MAN2C1: variants seen among roughly 807,000 people sequenced by gnomAD.
The protein encoded by MAN2C1 is mannosidase alpha class 2C member 1, also known as alpha-mannosidase 2C1.
A neutral mutation model predicts 126.9 loss-of-function variants in MAN2C1; 111 were observed. The observed-to-expected ratio is 0.87, with a 90% CI of 0.75 to 1.02. MAN2C1 has a LOEUF of 1.02. MAN2C1 is among the 50% of genes least tolerant of loss of function. The probability of loss-of-function intolerance (pLI) is 0.00; values close to 1 mark genes in which losing one functional copy is unlikely to be tolerated. For synonymous variants in MAN2C1, 567 were observed against 561.5 expected (o/e 1.01, Z -0.14); for missense variants, 1,363 against 1,364.4 (o/e 1.00, Z 0.02).
chr15:75,368,553 G>C lies in MAN2C1; in HGVS notation c.31C>G (p.Arg11Gly). 1 of 1,552,048 alleles carries C rather than the reference G, an allele frequency of 6.4e-7. No individual in the cohort carries two copies. Among genetic ancestry groups the C allele is most frequent in the Non-Finnish European group, 8.7e-7 (1 of 1,148,984 alleles). Reference protein sequence around the residue: MAAAPALKHWRTTLERVEKFV... With the variant: MAAAPALKHWGTTLERVEKFV... ...TTCTCCACCCGCTCCAGCGTGGTGC[G>C]CCAGTGCTTCAAGGCCGGCGCAGCC... The change falls in exon 1 of 26, where the codon CGC becomes GGC. Residue 11 changes from arginine (R) to glycine (G), a missense_variant. Arg to Gly is a moderately radical substitution (Grantham distance 125). This residue lies in a region of MAN2C1 where 628 missense variants were observed against 609.8 expected (regional missense o/e 1.03). Coordinates refer to ENST00000267978, the MANE Select transcript of MAN2C1 (RefSeq NM_006715.4).
intron 13 of MAN2C1, 80 bp downstream of exon 13, chr15:75,360,485 T>C: frequency 6.4e-7 from 1 of 1,570,920 alleles, no homozygotes; most frequent in Non-Finnish European, 8.6e-7. Flanking sequence ...TGGCCTGGGC[T>C]CTGTCCCCTG....
chr15:75,359,875 G>C (rs769766840), intron 15 of MAN2C1, 28 bp downstream of exon 15: 1 of 1,611,298 alleles, frequency 6.2e-7, no homozygotes, highest in East Asian at 2.2e-5. Flanking sequence ...GGGTTGGAGA[G>C]AGCAGGCAGG....
intron 21 of MAN2C1, chr15:75,357,995 T>G: frequency 1.7e-6 from 1 of 573,896 alleles, no homozygotes; most frequent in Admixed American, 2.9e-5. Flanking sequence ...CCTCAGGTGA[T>G]CCACCCACCT....
chr15:75,363,014 G>A (rs1174423643), intron 6 of MAN2C1: 1 of 470,680 alleles, frequency 2.1e-6, no homozygotes, highest in Non-Finnish European at 3.9e-6. Flanking sequence ...GTCCTCTTGG[G>A]GAATTAGACA....
Position 75,368,454 on chromosome 15 carries a change from G to A in MAN2C1, c.101+29C>T, listed in dbSNP as rs1037796842. ...AAGCTTGAGGCGCACGGTTGCGGTCGGCCGGCTGCGGGGGACCAGGGGCCA... is the reference window on the plus strand; with the variant it reads ...AAGCTTGAGGCGCACGGTTGCGGTCAGCCGGCTGCGGGGGACCAGGGGCCA... On this transcript the variant is annotated intron_variant, in intron 1 of 25. Transcript: ENST00000267978. 16 of 1,538,502 alleles carry A rather than the reference G, an allele frequency of 1.0e-5. No individual in the cohort carries two copies. In the African/African-American group the frequency reaches 2.2e-4, roughly 21 times the overall value.
chr15:75,360,999 G>A (rs772413117), intron 12 of MAN2C1, 47 bp downstream of exon 12: 1 of 1,574,242 alleles, frequency 6.4e-7, no homozygotes, highest in Non-Finnish European at 8.6e-7. Context: ...AGGGCTCATG[G>A]CAAGGGCCCA....
chr15:75,366,396 T>G, intron 4 of MAN2C1, 126 bp downstream of exon 4: 442 of 744,886 alleles, frequency 5.9e-4, no homozygotes, highest in Non-Finnish European at 8.0e-4. Flanking sequence ...AAGCAAACAA[T>G]GAGATGTGAG....
At position 75,362,528 on chromosome 15, in the gene MAN2C1, G is replaced by A; in HGVS notation, c.898-75C>T. 1 of 1,513,398 alleles carries A rather than the reference G, an allele frequency of 6.6e-7. No individual in the cohort carries two copies. Among genetic ancestry groups the A allele is most frequent in the South Asian group, 1.2e-5 (1 of 85,870 alleles). 93.7% of individuals were successfully genotyped at this position (1,513,398 alleles called of 1,614,324 possible). A position where few individuals can be genotyped will look rare whatever the true frequency, so the allele number is the denominator to read the frequency against. ...CAGGACTGAGCATATGGGACTCAGT[G>A]TGTGGCTGAGGGTGAGGAGCAGCCC... On this transcript the variant is annotated intron_variant, in intron 7 of 25. Coordinates refer to ENST00000267978, the MANE Select transcript of MAN2C1 (RefSeq NM_006715.4). The surrounding 1 kb of genome is among the most constrained non-coding windows in gnomAD (Gnocchi z 4.5).
In MAN2C1 at chr15:75,359,763, T is replaced by A. The variant is rs149190131; in HGVS notation, c.1805A>T (p.His602Leu). Residue 602 changes from histidine (H) to leucine (L), a missense_variant, in exon 16 of 26, where the codon CAT (histidine) becomes CTT (leucine). Coordinates refer to ENST00000267978, the MANE Select transcript of MAN2C1 (RefSeq NM_006715.4). ...AMCHYEDIRSHGNTLLSAAAA... is the reference protein window; with the variant it reads ...AMCHYEDIRSLGNTLLSAAAA... ...TGCAGCGCTGAGCAGTGTATTGCCA[T>A]GGGAACGGATGTCTGAGGAAAGACT... is the stretch of plus-strand genomic sequence containing the variant. 2.8e-5 allele frequency: 45 copies of A among 1,613,686 alleles called. No individual in the cohort carries two copies. The highest frequency in any genetic ancestry group is 3.6e-5 in the Non-Finnish European group (43 of 1,179,992).
intron 13 of MAN2C1, 48 bp from the exon 14 acceptor site, chr15:75,360,259 A>G: frequency 1.3e-6 from 2 of 1,595,750 alleles, no homozygotes; most frequent in Non-Finnish European, 1.7e-6. Context: ...TAGCTGTCCC[A>G]GGACACCTTC....
At position 75,356,694 on chromosome 15, in the gene MAN2C1, A is replaced by ACAC; in HGVS notation, c.2658-10_2658-9insGTG. On this transcript the variant is annotated splice_polypyrimidine_tract_variant and intron_variant, in intron 22 of 25. Transcript: ENST00000267978. The surrounding 1 kb of genome is among the most constrained non-coding windows in gnomAD (Gnocchi z 5.8). ...CTTTAGGCGCCCGCAAGCTGGGGTG[A>ACAC]GGAGGGCGCGTAGGGGCCACGCTGA... 6.2e-7 allele frequency: 1 copy of ACAC among 1,603,352 alleles called. No individual in the cohort carries two copies. Among genetic ancestry groups the ACAC allele is most frequent in the Non-Finnish European group, 8.5e-7 (1 of 1,175,396 alleles).
rs1184262997 is a variant in MAN2C1, at chr15:75,368,575, A to G, written c.9T>C (p.Ala3=). The stretch of plus-strand genomic sequence containing the variant: ...TGCGCCAGTGCTTCAAGGCCGGCGC[A>G]GCCGCCATCGCCGGGCTCTCGCTCC... MA[A]APALKHWRTT... is the part of the protein sequence containing the mutation. The change falls in exon 1 of 26, where the codon GCT becomes GCC. Residue 3 remains alanine (A), a synonymous_variant. Coordinates refer to ENST00000267978, the MANE Select transcript of MAN2C1 (RefSeq NM_006715.4). 1 of 1,544,282 alleles carries G rather than the reference A, an allele frequency of 6.5e-7. No individual in the cohort carries two copies. Among genetic ancestry groups the G allele is most frequent in the East Asian group, 2.4e-5 (1 of 40,844 alleles).
At chr15:75,368,411 G>T in intron 1 of MAN2C1, 72 bp downstream of exon 1, 1 of 1,492,782 alleles carries the variant, frequency 6.7e-7, no homozygotes. Flanking sequence ...CTGCAGCTTA[G>T]GTTTCTCCCC....
intron 6 of MAN2C1, 75 bp downstream of exon 6, chr15:75,363,924 A>G (rs2072525935): frequency 1.3e-6 from 2 of 1,516,724 alleles, no homozygotes; most frequent in Non-Finnish European, 1.8e-6. Flanking sequence ...AGCATCACAC[A>G]GTGCTTCTAG....
intron 12 of MAN2C1, 177 bp downstream of exon 12, chr15:75,360,869 T>C: frequency 8.6e-7 from 1 of 1,167,772 alleles, no homozygotes; most frequent in Non-Finnish European, 1.2e-6. Context: ...CTGGAGCCCT[T>C]ACCAGCTTCA....
chr15:75,364,908 G>A (rs1057199933), intron 4 of MAN2C1, among the ~76,000 whole-genome samples: 4 of 152,220 alleles, frequency 2.6e-5, no homozygotes, highest in Non-Finnish European at 4.4e-5. Context: ...TGTAAAGTAC[G>A]CTGCTGTTTA....
At chr15:75,357,114 CATCGAATGATCATGAGT>C in intron 21 of MAN2C1, 1 of 574,808 alleles carries the variant, frequency 1.7e-6, no homozygotes, top group Non-Finnish European at 3.1e-6. Context: ...GTACTCACCC[CATCGAATGATCATGAGT>C]ATCAAATTAA....
intron 3 of MAN2C1, 69 bp downstream of exon 3, chr15:75,367,442 A>G (rs2072596873): frequency 1.3e-6 from 2 of 1,571,734 alleles, no homozygotes. Flanking sequence ...CAGAGTCCAC[A>G]GAAGAAGGGC....
chr15:75,364,695 A>G (rs1438044932), intron 4 of MAN2C1, 30 bp from the exon 5 acceptor site: 11 of 1,583,684 alleles, frequency 6.9e-6, no homozygotes, highest in Middle Eastern at 1.7e-4. Context: ...GCCTCAGGCT[A>G]AGGGACTGGC....
Sources: allele counts gnomAD v4.1 joint callset (sites outside exome capture counted in the v4.1 genomes callset), GRCh38; gene constraint gnomAD v4.1.1; regional missense constraint gnomAD v4.1.1; non-coding constraint Gnocchi (gnomAD v3.1); transcripts MANE v1.5; gene names NCBI Gene and HGNC (gene_info 2026-07-23, HGNC 2026-07-21).